Variants in CFAP65 observed in about 807,000 individuals in gnomAD.
CFAP65 encodes cilia- and flagella-associated protein 65.
A neutral mutation model predicts 208.0 loss-of-function variants in CFAP65; 155 were observed. The ratio of observed to expected loss-of-function variants is 0.75; its 90% confidence interval spans 0.65 to 0.85. CFAP65 has a LOEUF of 0.85. Ranked by LOEUF, CFAP65 falls within the 40% of genes least tolerant of loss-of-function variation. The pLI, the probability that CFAP65 is intolerant of heterozygous loss-of-function variation, is 0.00. For synonymous variants in CFAP65, 970 were observed against 986.3 expected (o/e 0.98, Z 0.31); for missense variants, 2,294 against 2,451.3 (o/e 0.94, Z 1.36).
chr2:219,013,677 T>C (rs1331501116), intron 22 of CFAP65, 92 bp from the exon 23 acceptor site: 39 of 1,332,024 alleles, frequency 2.9e-5, no homozygotes, highest in Non-Finnish European at 4.0e-5. Flanking sequence ...GGCTTTGAGC[T>C]GGCCAGCCCC....
Position 219,032,905 on chromosome 2 carries a change from C to T in CFAP65, c.543-333G>A, listed in dbSNP as rs1338280720. Among the ~76,000 whole-genome samples the T allele has an allele frequency of 6.6e-6, 1 of 152,132 alleles. No individual in the cohort carries two copies. The highest frequency in any genetic ancestry group is 1.5e-5 in the Non-Finnish European group (1 of 68,034). On this transcript the variant is annotated intron_variant, in intron 5 of 34. Coordinates refer to ENST00000341552, the MANE Select transcript of CFAP65 (RefSeq NM_194302.4). This position sits in a 1 kb window ranked among gnomAD's most constrained non-coding sequence, Gnocchi z 5.5. ...GTCCGCAAGCACTGAGGTGGGGGAACCAAGGCTGAGGAGGGTGGGACCGGG... is the reference window on the plus strand; with the variant it reads ...GTCCGCAAGCACTGAGGTGGGGGAATCAAGGCTGAGGAGGGTGGGACCGGG...
rs1217307324 is a variant in CFAP65 at position 219,028,258 on chromosome 2, C to T, written c.1794G>A (p.Met598Ile). The change falls in exon 12 of 35, where the codon ATG (methionine) becomes ATA (isoleucine). Residue 598 changes from methionine to isoleucine, a missense_variant. Transcript: ENST00000341552. ...CCTGTGCCAGCTTCTTCTCCTTCAG[C>T]ATGGCATCCAGGATGTCAGGGGGGT... The part of the protein sequence containing the change: ...TLYPPDILDA[M>I]LKEKKLAQDQ... The T allele has an allele frequency of 6.2e-7, 1 of 1,613,990 alleles. No individual in the cohort carries two copies. The highest frequency in any genetic ancestry group is 2.2e-5 in the East Asian group (1 of 44,876).
At chr2:219,035,998 A>G (rs1047942768) in intron 4 of CFAP65, among the ~76,000 whole-genome samples, 2 of 152,012 alleles carry the variant, frequency 1.3e-5, no homozygotes, top group African/African-American at 4.8e-5. Context: ...TCCTCAGTGC[A>G]CCCTCAGATA....
rs1948127512 is a variant in CFAP65, at chr2:219,032,650, C to T, written c.543-78G>A. The T allele has an allele frequency of 7.5e-7, 1 of 1,329,742 alleles. No homozygotes were observed. Among genetic ancestry groups the T allele is most frequent in the Non-Finnish European group, 1.0e-6 (1 of 955,566 alleles). 82.4% of individuals were successfully genotyped at this position (1,329,742 alleles called of 1,614,324 possible). A position where few individuals can be genotyped will look rare whatever the true frequency, so the allele number is the denominator to read the frequency against. The stretch of plus-strand genomic sequence containing the variant: ...GAAGAGGCAGGAAACGAGGGAAGCC[C>T]TGCAGCCAAGGGAGCTTGAGTCCCT... On this transcript the variant is annotated intron_variant, in intron 5 of 34. Transcript: ENST00000341552. This position sits in a 1 kb window ranked among gnomAD's most constrained non-coding sequence, Gnocchi z 5.5.
rs1263891385 is a variant in CFAP65, at chr2:219,006,006, T to C, written c.4922+15A>G. The C allele has an allele frequency of 6.2e-7, 1 of 1,612,554 alleles. No homozygotes were observed. The highest frequency in any genetic ancestry group is 1.1e-5 in the South Asian group (1 of 90,962). ...AGAGAAGAGGAAGGTGACCCCTGCCTTCCCAAGAGCTTACCGGTGCAAAAA... is the reference window on the plus strand; with the variant it reads ...AGAGAAGAGGAAGGTGACCCCTGCCCTCCCAAGAGCTTACCGGTGCAAAAA... On this transcript the variant is annotated intron_variant, in intron 31 of 34. Transcript: ENST00000341552.
At position 219,006,485 on chromosome 2, in the gene CFAP65, C is replaced by T. The variant is rs149635127; in HGVS notation, c.4699G>A (p.Glu1567Lys). Residue 1567 changes from glutamate to lysine, a missense_variant, in exon 30 of 35, where the codon GAA becomes AAA. Coordinates refer to ENST00000341552, the MANE Select transcript of CFAP65 (RefSeq NM_194302.4). ...CTCACCTTGTACTTCCTCGCAGGTTCACAGGCTGTGCAGCATGTTCTCTTC... is the reference window on the plus strand; with the variant it reads ...CTCACCTTGTACTTCCTCGCAGGTTTACAGGCTGTGCAGCATGTTCTCTTC... Reference protein sequence around the residue: ...VKKRTCCTACEPARKYKTLPP... With the variant: ...VKKRTCCTACKPARKYKTLPP... 9.9e-4 allele frequency: 1,601 copies of T among 1,613,648 alleles called. 10 individuals are homozygous for T. Among genetic ancestry groups the T allele is most frequent in the South Asian group, 7.8e-3 (713 of 91,046 alleles).
chr2:219,030,268 G>T, intron 9 of CFAP65, 60 bp from the exon 10 acceptor site: 1 of 1,529,590 alleles, frequency 6.5e-7, no homozygotes, highest in South Asian at 1.1e-5. Context: ...TGTATGATGG[G>T]ACAGTCTACG....
chr2:219,031,029 TG>T lies in CFAP65; in HGVS notation c.1015+76del. 1 of 1,467,868 alleles carries T rather than the reference TG, an allele frequency of 6.8e-7. No homozygotes were observed. 90.9% of individuals were successfully genotyped at this position (1,467,868 alleles called of 1,614,324 possible). On this transcript the variant is annotated intron_variant, in intron 8 of 34. Coordinates refer to ENST00000341552, the MANE Select transcript of CFAP65 (RefSeq NM_194302.4). This position sits in a 1 kb window ranked among gnomAD's most constrained non-coding sequence, Gnocchi z 5.2. Reference sequence around the variant, plus strand: ...GGCGGGGGCCAGGCCAGATGGGAGGTGGGGGACACTGAGGCCTGGAGGACCC... The same window carrying T: ...GGCGGGGGCCAGGCCAGATGGGAGGTGGGGACACTGAGGCCTGGAGGACCC...
At chr2:219,015,021 A>G (rs775881499) in intron 21 of CFAP65, 1 of 152,590 alleles carries the variant, frequency 6.6e-6, no homozygotes, top group African/African-American at 2.4e-5. Context: ...CCTGAGAGAA[A>G]GCGCACAAAA....
chr2:219,007,980 G>A (rs1274082428), intron 29 of CFAP65, among the ~76,000 whole-genome samples: 1 of 151,822 alleles, frequency 6.6e-6, no homozygotes, highest in African/African-American at 2.4e-5. Flanking sequence ...CATCATGGCC[G>A]GCTAATTTTT....
intron 16 of CFAP65, 68 bp downstream of exon 16, chr2:219,023,139 T>C (rs547436273): frequency 7.3e-7 from 1 of 1,373,104 alleles, no homozygotes; most frequent in South Asian, 1.2e-5. Context: ...GTCTGGGCTA[T>C]GATAGGCACA....
In CFAP65 at chr2:219,030,124, C is replaced by T. The variant is rs772580549; in HGVS notation, c.1246G>A (p.Val416Met). 48 of 1,614,148 alleles carry T rather than the reference C, an allele frequency of 3.0e-5. No homozygotes were observed. The Admixed American group carries it at 5.3e-4, about 18-fold the overall frequency. The change falls in exon 10 of 35, where the codon GTG (valine) becomes ATG (methionine). Residue 416 changes from valine (V) to methionine (M), a missense_variant. By Grantham distance (21) the Val-to-Met change is conservative. This residue lies in a region of CFAP65 where 867 missense variants were observed against 1,012.6 expected (regional missense o/e 0.86). Coordinates refer to ENST00000341552, the MANE Select transcript of CFAP65 (RefSeq NM_194302.4). ...ACACATTTCTTCTCTCCCGGAAGCA[C>T]GATGCCATGGGCCGTGGGGCATGAG... ...AFSCPTAHGIVLPGEKKCVSV... is the reference protein window; with the variant it reads ...AFSCPTAHGIMLPGEKKCVSV...
At chr2:219,039,269 T>C in intron 2 of CFAP65, 1 of 374,836 alleles carries the variant, frequency 2.7e-6, no homozygotes, top group East Asian at 4.2e-5. Context: ...TTGACCTCAA[T>C]CTAAGGCACA....
chr2:219,039,094 C>CTCTGG, intron 2 of CFAP65, 44 bp from the exon 3 acceptor site: 3 of 1,506,854 alleles, frequency 2.0e-6, no homozygotes, highest in Non-Finnish European at 2.7e-6. Flanking sequence ...ATCTCCAGAG[C>CTCTGG]AGAGGGATCC....
chr2:219,016,988 C>T (rs993710345), intron 21 of CFAP65, among the ~76,000 whole-genome samples: 1 of 152,238 alleles, frequency 6.6e-6, no homozygotes, highest in South Asian at 2.1e-4. Context: ...CCTTTTCCCG[C>T]GAGGCTGTAG....
chr2:219,012,844 CA>C (rs1232166762), intron 24 of CFAP65, among the ~76,000 whole-genome samples: 1 of 151,842 alleles, frequency 6.6e-6, no homozygotes, highest in African/African-American at 2.4e-5. Flanking sequence ...CAGAATAGAA[CA>C]AAAAAGAAAA....
chr2:219,028,030 G>A, intron 12 of CFAP65, 21 bp from the exon 13 acceptor site: 2 of 1,519,932 alleles, frequency 1.3e-6, no homozygotes, highest in Non-Finnish European at 1.8e-6. Flanking sequence ...AAAGACAGGT[G>A]GATAGGGCTC....
chr2:219,035,193 C>A, intron 5 of CFAP65: 1 of 826,110 alleles, frequency 1.2e-6, no homozygotes, highest in Non-Finnish European at 1.8e-6. Context: ...ACTTATGTAA[C>A]TGGACACATA....
chr2:219,010,298 C>T (rs1946384097), intron 26 of CFAP65, among the ~76,000 whole-genome samples: 1 of 152,118 alleles, frequency 6.6e-6, no homozygotes, highest in South Asian at 2.1e-4. Flanking sequence ...GGATGGAGGG[C>T]CCTGAGGCAG....
Sources: gnomAD v4.1 joint callset for allele counts (sites outside exome capture counted in the v4.1 genomes callset) on GRCh38, gnomAD v4.1.1 for gene constraint, gnomAD v4.1.1 regional missense constraint, Gnocchi (gnomAD v3.1) non-coding constraint, MANE v1.5 for transcripts, NCBI Gene and HGNC (gene_info 2026-07-23, HGNC 2026-07-21) for gene names.